The following ASTN2 variants were observed in gnomAD, a reference collection of about 807,000 sequenced individuals.
The protein encoded by ASTN2 is astrotactin 2.
In ASTN2, 54 loss-of-function variants were observed where a neutral mutation model predicts 139.8. That is an observed-to-expected ratio of 0.39 (90% confidence interval 0.31 to 0.48). The LOEUF is 0.48. Among genes scored for constraint, ASTN2 ranks in the 20% least tolerant of loss-of-function variants. The pLI, the probability that ASTN2 is intolerant of heterozygous loss-of-function variation, is 0.95. For synonymous variants in ASTN2, 756 were observed against 719.5 expected (o/e 1.05, Z -0.81); for missense variants, 1,565 against 1,725.1 (o/e 0.91, Z 1.64).
At chr9:117,239,774 G>T (rs952595206) in intron 2 of ASTN2, among the ~76,000 whole-genome samples, 1 of 152,192 alleles carries the variant, frequency 6.6e-6, no homozygotes, top group African/African-American at 2.4e-5. Flanking sequence ...CTCCTAGATT[G>T]GTGTTCATTC....
chr9:116,539,413 ACTGT>A (rs1272530358), intron 19 of ASTN2, among the ~76,000 whole-genome samples: 6 of 152,212 alleles, frequency 3.9e-5, no homozygotes, highest in Non-Finnish European at 7.3e-5. Flanking sequence ...AACATTACTA[ACTGT>A]CTGGCTGGCA....
At chr9:117,074,102 A>T (rs1396901187) in intron 5 of ASTN2, among the ~76,000 whole-genome samples, 1 of 152,146 alleles carries the variant, frequency 6.6e-6, no homozygotes. Context: ...GGAAAAAAAA[A>T]AAGACCTTAA....
chr9:117,262,071 A>G (rs1833834760), intron 2 of ASTN2, among the ~76,000 whole-genome samples: 2 of 152,206 alleles, frequency 1.3e-5, no homozygotes, highest in Admixed American at 1.3e-4. Flanking sequence ...TAGGAATCAG[A>G]GAACGACATA....
chr9:117,298,284 ATAC>A (rs1471389681), intron 1 of ASTN2, among the ~76,000 whole-genome samples: 1 of 152,194 alleles, frequency 6.6e-6, no homozygotes, highest in Non-Finnish European at 1.5e-5. Context: ...CGTACCACAT[ATAC>A]TATGTGTTTT....
chr9:117,155,863 C>G (rs1340487250), intron 3 of ASTN2, among the ~76,000 whole-genome samples: 1 of 152,012 alleles, frequency 6.6e-6, no homozygotes, highest in Non-Finnish European at 1.5e-5. Context: ...TCAGAGAGAT[C>G]AATATGAGTT....
chr9:116,801,575 G>A (rs1257260048), intron 13 of ASTN2, among the ~76,000 whole-genome samples: 2 of 105,090 alleles, frequency 1.9e-5, no homozygotes, highest in African/African-American at 3.8e-5. Context: ...AACAGTGTGA[G>A]GCTCTGTCTC....
chr9:116,448,485 C>T (rs1848075690), intron 20 of ASTN2, among the ~76,000 whole-genome samples: 2 of 152,204 alleles, frequency 1.3e-5, no homozygotes, highest in Admixed American at 1.3e-4. Context: ...TAGGTTAGAT[C>T]TAATATTCTA....
At chr9:117,159,258 C>A (rs988887722) in intron 3 of ASTN2, among the ~76,000 whole-genome samples, 1 of 151,762 alleles carries the variant, frequency 6.6e-6, no homozygotes, top group Non-Finnish European at 1.5e-5. Flanking sequence ...TTTTTAAAAT[C>A]CCCCCTTCTT....
chr9:116,538,890 T>G lies in ASTN2; in HGVS notation c.3356-51390A>C, dbSNP rs563896775. ...TTAATTTTGGAAAGAAAATGGATCC[T>G]GACAGTTGTCTAACAAACTTCATTG... On this transcript the variant is annotated intron_variant, in intron 19 of 22. Transcript: ENST00000313400. Among the ~76,000 whole-genome samples, 3 of 152,316 alleles carry G rather than the reference T, an allele frequency of 2.0e-5. No homozygotes were observed. The East Asian group carries it at 5.8e-4, about 29-fold the overall frequency.
At chr9:117,076,712 C>T (rs912340420) in intron 5 of ASTN2, among the ~76,000 whole-genome samples, 1 of 152,048 alleles carries the variant, frequency 6.6e-6, no homozygotes, top group African/African-American at 2.4e-5. Flanking sequence ...AGAGCATCTC[C>T]TTTAATACAG....
chr9:117,320,035 G>A (rs1036985260), intron 1 of ASTN2, among the ~76,000 whole-genome samples: 2 of 152,178 alleles, frequency 1.3e-5, no homozygotes, highest in Non-Finnish European at 2.9e-5. Context: ...AATGAGGACA[G>A]TGATGATACC....
intron 1 of ASTN2, among the ~76,000 whole-genome samples, chr9:117,376,000 T>C (rs773243161): frequency 5.3e-5 from 8 of 152,180 alleles, no homozygotes; most frequent in Non-Finnish European, 1.2e-4. Context: ...CTGATTCTTA[T>C]AAGGACACAG....
chr9:116,469,997 G>T (rs1277698224), intron 20 of ASTN2, among the ~76,000 whole-genome samples: 3 of 152,008 alleles, frequency 2.0e-5, no homozygotes, highest in African/African-American at 7.2e-5. Context: ...CTGAGGTCAG[G>T]AGTTCGAGAC....
chr9:116,985,394 C>T (rs1030245853), intron 7 of ASTN2, among the ~76,000 whole-genome samples: 38 of 152,314 alleles, frequency 2.5e-4, no homozygotes, highest in African/African-American at 7.9e-4. Context: ...CCTTAATCAA[C>T]GCTACATGGG....
At chr9:116,468,630 G>T (rs1341912141) in intron 20 of ASTN2, among the ~76,000 whole-genome samples, 1 of 152,066 alleles carries the variant, frequency 6.6e-6, no homozygotes, top group East Asian at 1.9e-4. Context: ...CTATAGTTTT[G>T]TCACACCTCT....
At chr9:117,059,858 C>T (rs1039038518) in intron 5 of ASTN2, among the ~76,000 whole-genome samples, 2 of 152,070 alleles carry the variant, frequency 1.3e-5, no homozygotes, top group African/African-American at 4.8e-5. Context: ...ATTGGAGATA[C>T]AGGGAAAGAC....
intron 3 of ASTN2, among the ~76,000 whole-genome samples, chr9:117,186,362 C>A (rs147090844): frequency 6.9e-6 from 1 of 145,382 alleles, no homozygotes; most frequent in Non-Finnish European, 1.5e-5. Context: ...CTGGCTAACA[C>A]GGTGAAAACC....
At chr9:117,304,757 G>A (rs1276949692) in intron 1 of ASTN2, among the ~76,000 whole-genome samples, 1 of 152,144 alleles carries the variant, frequency 6.6e-6, no homozygotes, top group African/African-American at 2.4e-5. Flanking sequence ...AGAGCCCCAG[G>A]CCGTCAGTGG....
intron 2 of ASTN2, among the ~76,000 whole-genome samples, chr9:117,249,094 G>GT (rs1483272007): frequency 6.6e-6 from 1 of 152,306 alleles, no homozygotes. Flanking sequence ...AGCAACTCCT[G>GT]TAAGTCACAT....
Sources: allele counts gnomAD v4.1 joint callset (sites outside exome capture counted in the v4.1 genomes callset), GRCh38; gene constraint gnomAD v4.1.1; transcripts MANE v1.5; gene names NCBI Gene and HGNC (gene_info 2026-07-23, HGNC 2026-07-21).